Variants in DNAJC1 observed in about 807,000 individuals in gnomAD.
DNAJC1 encodes DnaJ heat shock protein family (Hsp40) member C1.
A neutral mutation model predicts 76.6 loss-of-function variants in DNAJC1; 58 were observed. The ratio of observed to expected loss-of-function variants is 0.76; its 90% CI spans 0.61 to 0.94. The LOEUF is 0.94. Among genes scored for constraint, DNAJC1 ranks in the 40% least tolerant of loss-of-function variants. DNAJC1 has a pLI of 0.00. For missense variants in DNAJC1, 689 were observed against 677.3 expected (o/e 1.02, Z -0.19); for synonymous variants, 258 against 267.9 (o/e 0.96, Z 0.36).
intron 8 of DNAJC1, among the ~76,000 whole-genome samples, chr10:21,840,456 T>A (rs892040695): frequency 5.9e-5 from 9 of 152,058 alleles, no homozygotes; most frequent in Non-Finnish European, 1.0e-4. Context: ...TATACACCAA[T>A]AACAGACAAA....
At chr10:21,925,095 G>GCCTCCCATCACAAGTAGCTCC (rs1307757031) in intron 3 of DNAJC1, among the ~76,000 whole-genome samples, 1 of 151,988 alleles carries the variant, frequency 6.6e-6, no homozygotes, top group Non-Finnish European at 1.5e-5. Flanking sequence ...TCCCATCTCA[G>GCCTCCCATCACAAGTAGCTCC]CATCACAAGT....
intron 8 of DNAJC1, among the ~76,000 whole-genome samples, chr10:21,821,125 C>T (rs996369888): frequency 6.6e-6 from 1 of 152,152 alleles, no homozygotes; most frequent in Non-Finnish European, 1.5e-5. Context: ...ATTCCTTCCT[C>T]CAGAGTATGG....
Position 21,981,542 on chromosome 10 carries a change from G to A in DNAJC1, c.222+21671C>T, listed in dbSNP as rs1422812379. ...ACAGTTATGATCTTTGAGCCTAACAGATAAGCTCCACAAGTTGTTAGTTTT... is the reference window on the plus strand; with the variant it reads ...ACAGTTATGATCTTTGAGCCTAACAAATAAGCTCCACAAGTTGTTAGTTTT... On this transcript the variant is annotated intron_variant, in intron 1 of 11. Coordinates refer to ENST00000376980, the MANE Select transcript of DNAJC1 (RefSeq NM_022365.4). Among the ~76,000 whole-genome samples, 3 of 152,102 alleles carry A rather than the reference G, an allele frequency of 2.0e-5. No homozygotes were observed. The East Asian group carries it at 5.8e-4, about 29-fold the overall frequency.
At chr10:21,959,290 A>T (rs1837746380) in intron 1 of DNAJC1, among the ~76,000 whole-genome samples, 1 of 151,462 alleles carries the variant, frequency 6.6e-6, no homozygotes, top group South Asian at 2.1e-4. Flanking sequence ...AGGCCCGGCT[A>T]ATTTTTTTTG....
intron 8 of DNAJC1, among the ~76,000 whole-genome samples, chr10:21,813,115 A>ATATATACAGCTTC (rs1835000770): frequency 6.9e-6 from 1 of 144,932 alleles, no homozygotes; most frequent in Non-Finnish European, 1.5e-5. Context: ...ATATATATAT[A>ATATATACAGCTTC]TACAGCTTCT....
At chr10:21,776,626 GA>G (rs144268223) in intron 9 of DNAJC1, among the ~76,000 whole-genome samples, 5,626 of 152,096 alleles carry the variant, frequency 0.037, 178 homozygotes, top group African/African-American at 0.075. Context: ...TAAGCCACCT[GA>G]AAAAATGTTT....
chr10:21,949,204 G>A (rs551623748), intron 1 of DNAJC1, among the ~76,000 whole-genome samples: 2 of 152,058 alleles, frequency 1.3e-5, no homozygotes, highest in South Asian at 2.1e-4. Flanking sequence ...TTCTTCCTTC[G>A]CATTACATAC....
chr10:22,003,323 G>GCAGCAGCAGCAGCCA lies in DNAJC1; in HGVS notation c.97_111dup (p.Trp33_Leu37dup). 1.3e-6 allele frequency: 2 copies of GCAGCAGCAGCAGCCA among 1,516,654 alleles called. No individual in the cohort carries two copies. Among genetic ancestry groups the GCAGCAGCAGCAGCCA allele is most frequent in the Non-Finnish European group, 1.8e-6 (2 of 1,132,230 alleles). 93.9% of individuals were successfully genotyped at this position (1,516,654 alleles called of 1,614,324 possible). A position where few individuals can be genotyped will look rare whatever the true frequency, so the allele number is the denominator to read the frequency against. On this transcript the variant is annotated inframe_insertion, in exon 1 of 12. Transcript: ENST00000376980. ...CGCGCCGGCGCCACGGCGGCCAGCA[G>GCAGCAGCAGCAGCCA]CAGCAGCAGCAGCCACAGCAGCGGC...
At chr10:21,985,058 C>T (rs888746412) in intron 1 of DNAJC1, among the ~76,000 whole-genome samples, 2 of 152,014 alleles carry the variant, frequency 1.3e-5, no homozygotes, top group African/African-American at 4.8e-5. Context: ...CTTATTTTTC[C>T]AACAGCTTGG....
intron 9 of DNAJC1, among the ~76,000 whole-genome samples, chr10:21,798,583 C>T (rs1211369651): frequency 6.6e-6 from 1 of 152,224 alleles, no homozygotes; most frequent in African/African-American, 2.4e-5. Flanking sequence ...CCTTCTCAGA[C>T]AACCTTGCTC....
At chr10:21,867,549 C>A (rs1836022133) in intron 8 of DNAJC1, among the ~76,000 whole-genome samples, 1 of 152,026 alleles carries the variant, frequency 6.6e-6, no homozygotes, top group African/African-American at 2.4e-5. Flanking sequence ...TTTCAGGCAG[C>A]AGTTTCACAC....
chr10:21,972,380 T>C (rs557637940), intron 1 of DNAJC1, among the ~76,000 whole-genome samples: 6 of 151,984 alleles, frequency 3.9e-5, no homozygotes, highest in African/African-American at 1.4e-4. Context: ...GAGGAATTCA[T>C]AGTTAAAGCT....
rs114452059 is a variant in DNAJC1 at position 22,003,023 on chromosome 10, C to T, written c.222+190G>A. On this transcript the variant is annotated intron_variant, in intron 1 of 11. Coordinates refer to ENST00000376980, the MANE Select transcript of DNAJC1 (RefSeq NM_022365.4). Reference sequence around the variant, plus strand: ...GGGGCTGGGACTAGAAAAGTTGAAGCAGGAGTAAAGATCTGGGGAAGACGG... The same window carrying T: ...GGGGCTGGGACTAGAAAAGTTGAAGTAGGAGTAAAGATCTGGGGAAGACGG... 8.2e-3 allele frequency among the ~76,000 whole-genome samples: 1,248 copies of T among 152,246 alleles called. 16 individuals are homozygous for T. Among genetic ancestry groups the T allele is most frequent in the African/African-American group, 0.028 (1,162 of 41,558 alleles).
intron 9 of DNAJC1, among the ~76,000 whole-genome samples, chr10:21,779,687 C>T (rs892038325): frequency 2.0e-5 from 3 of 152,184 alleles, no homozygotes; most frequent in African/African-American, 7.2e-5. Flanking sequence ...AATCTGAGCG[C>T]CTCTCCTCCT....
At chr10:21,818,652 T>C (rs1006400401) in intron 8 of DNAJC1, among the ~76,000 whole-genome samples, 24 of 152,198 alleles carry the variant, frequency 1.6e-4, no homozygotes, top group Non-Finnish European at 2.9e-5. Context: ...ACTCTGTCCC[T>C]TTATTTCTCA....
chr10:21,837,858 T>G (rs1369638118), intron 8 of DNAJC1, among the ~76,000 whole-genome samples: 11 of 127,132 alleles, frequency 8.7e-5, no homozygotes, highest in South Asian at 5.4e-4. Flanking sequence ...AGCCGCCCCG[T>G]CCGGGAGGGA....
At chr10:21,959,547 T>C (rs1837751433) in intron 1 of DNAJC1, among the ~76,000 whole-genome samples, 1 of 151,884 alleles carries the variant, frequency 6.6e-6, no homozygotes, top group African/African-American at 2.4e-5. Context: ...TCCCAGCACT[T>C]TGGGAAGCCA....
At chr10:21,771,879 T>C (rs1185964115) in intron 9 of DNAJC1, among the ~76,000 whole-genome samples, 1 of 152,228 alleles carries the variant, frequency 6.6e-6, no homozygotes, top group Non-Finnish European at 1.5e-5. Flanking sequence ...GATCTTGAGA[T>C]GTTTAACCAA....
intron 8 of DNAJC1, among the ~76,000 whole-genome samples, chr10:21,817,704 C>CTTTCA: frequency 6.6e-6 from 1 of 152,232 alleles, no homozygotes; most frequent in South Asian, 2.1e-4. Context: ...ACTGGCTGAA[C>CTTTCA]CCATGGCAGA....
Sources: gnomAD v4.1 joint callset for allele counts (sites outside exome capture counted in the v4.1 genomes callset) on GRCh38, gnomAD v4.1.1 for gene constraint, MANE v1.5 for transcripts, NCBI Gene and HGNC (gene_info 2026-07-23, HGNC 2026-07-21) for gene names.